KIAA1328: variants seen among roughly 807,000 people sequenced by gnomAD.
KIAA1328 encodes the protein protein hinderin.
KIAA1328 carries 52 observed loss-of-function variants against 68.1 expected under a neutral mutation model. That is an observed-to-expected ratio of 0.76 (90% CI 0.61 to 0.96). The LOEUF (loss-of-function observed/expected upper bound fraction) is 0.96, where lower values mean the gene tolerates loss of function less well. KIAA1328 is among the 40% of genes least tolerant of loss of function. KIAA1328 has a pLI of 0.00. For missense variants in KIAA1328, 641 were observed against 677.6 expected (o/e 0.95, Z 0.60); for synonymous variants, 232 against 239.4 (o/e 0.97, Z 0.28).
chr18:37,200,881 C>G (rs1233151672), intron 9 of KIAA1328, among the ~76,000 whole-genome samples: 1 of 151,696 alleles, frequency 6.6e-6, no homozygotes, highest in Non-Finnish European at 1.5e-5. Flanking sequence ...TTCTTTCCCT[C>G]TCCCTCCCCC....
chr18:36,931,443 C>T (rs77806037), intron 5 of KIAA1328, among the ~76,000 whole-genome samples: 2,535 of 152,144 alleles, frequency 0.017, 32 homozygotes, highest in Non-Finnish European at 0.026. Flanking sequence ...GCCTGATGAT[C>T]TGAGGTGGAA....
At chr18:37,147,858 A>G (rs1008156624) in intron 7 of KIAA1328, among the ~76,000 whole-genome samples, 1 of 152,196 alleles carries the variant, frequency 6.6e-6, no homozygotes, top group Non-Finnish European at 1.5e-5. Context: ...ATGTCTTAAT[A>G]ATTATTGTGC....
At chr18:37,171,548 TC>T (rs768744816) in intron 8 of KIAA1328, among the ~76,000 whole-genome samples, 105 of 152,156 alleles carry the variant, frequency 6.9e-4, no homozygotes, top group Non-Finnish European at 1.3e-3. Context: ...GTGTCTTGTG[TC>T]CTTACTCTCA....
intron 5 of KIAA1328, among the ~76,000 whole-genome samples, chr18:36,906,271 G>T (rs1598663237): frequency 6.6e-6 from 1 of 152,068 alleles, no homozygotes; most frequent in Admixed American, 6.6e-5. Flanking sequence ...AATACAAAGT[G>T]TTATGTATTC....
intron 4 of KIAA1328, among the ~76,000 whole-genome samples, chr18:36,844,526 T>C (rs2046963625): frequency 6.6e-6 from 1 of 152,024 alleles, no homozygotes; most frequent in South Asian, 2.1e-4. Context: ...TTTACTTAAC[T>C]TTCCCAATTG....
chr18:37,077,254 T>C (rs1199780831), intron 7 of KIAA1328, among the ~76,000 whole-genome samples: 1 of 135,352 alleles, frequency 7.4e-6, no homozygotes, highest in African/African-American at 3.6e-5. Context: ...TCTCAATAGA[T>C]GCAGAACAGG....
At chr18:36,872,169 G>C (rs1484761889) in intron 4 of KIAA1328, among the ~76,000 whole-genome samples, 1 of 152,136 alleles carries the variant, frequency 6.6e-6, no homozygotes, top group Admixed American at 6.5e-5. Context: ...GCTGGGTCCA[G>C]GTGGTGAGGA....
chr18:37,130,269 T>C (rs1036297181), intron 7 of KIAA1328, among the ~76,000 whole-genome samples: 5 of 152,152 alleles, frequency 3.3e-5, no homozygotes, highest in Admixed American at 3.3e-4. Context: ...GTGTTAAAAG[T>C]TTTTAATCAT....
chr18:37,148,583 C>T (rs2058958081), intron 7 of KIAA1328, among the ~76,000 whole-genome samples: 1 of 152,208 alleles, frequency 6.6e-6, no homozygotes, highest in Non-Finnish European at 1.5e-5. Flanking sequence ...TACATTCTCA[C>T]CAATAATGTA....
chr18:37,132,130 C>T (rs967409137), intron 7 of KIAA1328, among the ~76,000 whole-genome samples: 27 of 151,974 alleles, frequency 1.8e-4, no homozygotes, highest in African/African-American at 5.6e-4. Context: ...TTTATTTACC[C>T]AAAGCTGCCT....
chr18:37,099,518 G>A (rs2057530247), intron 7 of KIAA1328, among the ~76,000 whole-genome samples: 1 of 152,168 alleles, frequency 6.6e-6, no homozygotes, highest in African/African-American at 2.4e-5. Context: ...TTTGTAATAG[G>A]TGTGGTGTGA....
chr18:37,139,528 A>G (rs573098469), intron 7 of KIAA1328, among the ~76,000 whole-genome samples: 1 of 152,268 alleles, frequency 6.6e-6, no homozygotes, highest in South Asian at 2.1e-4. Flanking sequence ...TATGGTTATT[A>G]TTGGACCTGC....
At chr18:36,849,839 G>T (rs945825700) in intron 4 of KIAA1328, among the ~76,000 whole-genome samples, 3 of 151,986 alleles carry the variant, frequency 2.0e-5, no homozygotes, top group African/African-American at 7.2e-5. Flanking sequence ...AATGTGTAAG[G>T]ATTCTAGTTT....
chr18:36,950,250 G>A (rs1216493506), intron 5 of KIAA1328, among the ~76,000 whole-genome samples: 1 of 152,170 alleles, frequency 6.6e-6, no homozygotes, highest in Non-Finnish European at 1.5e-5. Flanking sequence ...TGCTAGGTTA[G>A]AAAACATTTT....
chr18:37,096,583 G>T (rs2057415464), intron 7 of KIAA1328, among the ~76,000 whole-genome samples: 1 of 152,288 alleles, frequency 6.6e-6, no homozygotes, highest in South Asian at 2.1e-4. Flanking sequence ...AATCCTTTGG[G>T]TATATACCCA....
At chr18:36,995,032 A>G (rs763447561) in intron 6 of KIAA1328, among the ~76,000 whole-genome samples, 4 of 152,088 alleles carry the variant, frequency 2.6e-5, no homozygotes, top group East Asian at 1.9e-4. Context: ...AGGTATACAC[A>G]TGCCCTGGAG....
At chr18:36,893,453 G>T (rs1439277989) in intron 5 of KIAA1328, among the ~76,000 whole-genome samples, 2 of 137,916 alleles carry the variant, frequency 1.5e-5, no homozygotes, top group East Asian at 2.0e-4. Context: ...GTGTGTGTGT[G>T]TGTGTGTGTT....
chr18:36,895,233 A>G (rs1053911424), intron 5 of KIAA1328, among the ~76,000 whole-genome samples: 1 of 152,202 alleles, frequency 6.6e-6, no homozygotes, highest in African/African-American at 2.4e-5. Flanking sequence ...AAGAAAACTT[A>G]TAAGAGATCT....
rs2056379346 is a variant in KIAA1328, at chr18:37,067,395, A to G, written c.1082A>G (p.Gln361Arg). 6.2e-7 allele frequency: 1 copy of G among 1,612,696 alleles called. No homozygotes were observed. The highest frequency in any genetic ancestry group is 8.5e-7 in the Non-Finnish European group (1 of 1,179,230). ...CAACCCATTGAAACTTTGAAAAAGC[A>G]GATCTCAGAAGATAGAAAGCAGCAA... Reference protein sequence around the residue: ...ALQPIETLKKQISEDRKQQLM... With the variant: ...ALQPIETLKKRISEDRKQQLM... Residue 361 changes from glutamine to arginine, a missense_variant, in exon 7 of 10, where the codon CAG becomes CGG. Gln to Arg is a conservative substitution (Grantham distance 43). Transcript: ENST00000280020.
Sources: allele counts gnomAD v4.1 joint callset (sites outside exome capture counted in the v4.1 genomes callset), GRCh38; gene constraint gnomAD v4.1.1; transcripts MANE v1.5; gene names NCBI Gene and HGNC (gene_info 2026-07-23, HGNC 2026-07-21).